Variants in CACNB2 observed in about 807,000 individuals in gnomAD.
CACNB2 encodes voltage-dependent L-type calcium channel subunit beta-2.
Under a neutral mutation model 73.3 loss-of-function variants are expected in CACNB2, and 42 were observed. That is an observed-to-expected ratio of 0.57 (90% CI 0.45 to 0.74). The LOEUF is 0.74. Among genes scored for constraint, CACNB2 ranks in the 30% least tolerant of loss-of-function variants. The pLI, the probability that CACNB2 is intolerant of heterozygous loss-of-function variation, is 0.00. For synonymous variants in CACNB2, 348 were observed against 310.3 expected (o/e 1.12, Z -1.28); for missense variants, 940 against 853.0 (o/e 1.10, Z -1.27).
intron 1 of CACNB2, 45 bp from the exon 2 acceptor site, chr10:18,150,838 A>G (rs1564296268): frequency 2.6e-6 from 3 of 1,144,882 alleles, no homozygotes; most frequent in South Asian, 1.5e-5. Flanking sequence ...AAAGGGTCTC[A>G]TAATAATCTT....
intron 3 of CACNB2, among the ~76,000 whole-genome samples, chr10:18,488,017 C>T (rs190567027): frequency 6.6e-4 from 100 of 151,254 alleles, no homozygotes; most frequent in African/African-American, 2.3e-3. Context: ...CCATGTTGCA[C>T]TGGCTGGTCT....
intron 2 of CACNB2, among the ~76,000 whole-genome samples, chr10:18,158,259 A>T (rs980013117): frequency 2.6e-5 from 4 of 152,180 alleles, no homozygotes; most frequent in African/African-American, 9.7e-5. Flanking sequence ...TTTTACAGTA[A>T]CCTCATTTAG....
At chr10:18,184,854 T>A (rs923548112) in intron 2 of CACNB2, among the ~76,000 whole-genome samples, 1 of 152,140 alleles carries the variant, frequency 6.6e-6, no homozygotes, top group African/African-American at 2.4e-5. Context: ...ATGCATTAGC[T>A]GTTTTTCCTG....
At chr10:18,271,123 T>G (rs2038036747) in intron 2 of CACNB2, among the ~76,000 whole-genome samples, 1 of 152,212 alleles carries the variant, frequency 6.6e-6, no homozygotes, top group South Asian at 2.1e-4. Context: ...ATGGTATAAG[T>G]GTTCCTTGGT....
At chr10:18,281,327 C>T (rs1460210994) in intron 2 of CACNB2, among the ~76,000 whole-genome samples, 1 of 152,202 alleles carries the variant, frequency 6.6e-6, no homozygotes, top group Non-Finnish European at 1.5e-5. Context: ...TTAATCAGCA[C>T]ATACTAATGG....
chr10:18,321,678 A>C (rs2040402355), intron 2 of CACNB2, among the ~76,000 whole-genome samples: 1 of 152,122 alleles, frequency 6.6e-6, no homozygotes, highest in African/African-American at 2.4e-5. Context: ...TGTACTCACA[A>C]ACTTTTTTTT....
At chr10:18,417,360 CTTTTTTTTT>C (rs34847923) in intron 3 of CACNB2, among the ~76,000 whole-genome samples, 36 of 87,000 alleles carry the variant, frequency 4.1e-4, no homozygotes, top group East Asian at 1.4e-3. Context: ...GCTAAAAATT[CTTTTTTTTT>C]TTTTTTTTTT....
At chr10:18,220,341 C>T (rs2035741989) in intron 2 of CACNB2, among the ~76,000 whole-genome samples, 1 of 146,628 alleles carries the variant, frequency 6.8e-6, no homozygotes, top group African/African-American at 2.5e-5. Context: ...CTCATTGCAA[C>T]CCTCCCCTCC....
intron 12 of CACNB2, among the ~76,000 whole-genome samples, chr10:18,537,043 G>A (rs181562004): frequency 3.3e-5 from 5 of 152,060 alleles, no homozygotes; most frequent in African/African-American, 9.7e-5. Context: ...GGAGTGCAGT[G>A]GTGGTGTCTC....
At chr10:18,234,132 C>G (rs187245628) in intron 2 of CACNB2, 1 of 152,442 alleles carries the variant, frequency 6.6e-6, no homozygotes, top group Admixed American at 6.5e-5. Flanking sequence ...GACACGTTCT[C>G]TCACTAGGGG....
chr10:18,226,237 G>A lies in CACNB2; in HGVS notation c.213+75262G>A, dbSNP rs570213453. On this transcript the variant is annotated intron_variant, in intron 2 of 13. Transcript: ENST00000324631. ...CGAAGAGGTTTTGCCATGTTGCCCA[G>A]GCTAATTTCGAACTCCTGAGCTCAA... is the stretch of plus-strand genomic sequence containing the variant. Among the ~76,000 whole-genome samples, 4 of 152,096 alleles carry A rather than the reference G, an allele frequency of 2.6e-5. No individual in the cohort carries two copies. In the South Asian group the frequency reaches 8.3e-4, roughly 32 times the overall value.
chr10:18,301,050 A>C (rs2039490816), intron 2 of CACNB2, among the ~76,000 whole-genome samples: 1 of 152,206 alleles, frequency 6.6e-6, no homozygotes, highest in Non-Finnish European at 1.5e-5. Flanking sequence ...AGTGAGATGG[A>C]GACTCTCAAG....
At chr10:18,451,203 T>C (rs1482059936) in intron 3 of CACNB2, among the ~76,000 whole-genome samples, 1 of 152,198 alleles carries the variant, frequency 6.6e-6, no homozygotes, top group Admixed American at 6.5e-5. Context: ...TTCTCCTTAT[T>C]TATCAGCCTC....
intron 10 of CACNB2, among the ~76,000 whole-genome samples, chr10:18,533,604 T>C (rs1299118385): frequency 6.6e-6 from 1 of 152,228 alleles, no homozygotes; most frequent in African/African-American, 2.4e-5. Context: ...TGTTTTATTT[T>C]GTATTTCATC....
chr10:18,320,660 G>T (rs925080682), intron 2 of CACNB2, among the ~76,000 whole-genome samples: 2 of 152,166 alleles, frequency 1.3e-5, no homozygotes, highest in African/African-American at 4.8e-5. Flanking sequence ...GTAGAATGGG[G>T]ATAGTTGTAT....
chr10:18,262,058 G>A (rs187767852), intron 2 of CACNB2: 2 of 518,242 alleles, frequency 3.9e-6, no homozygotes, highest in East Asian at 1.1e-4. Flanking sequence ...TTCAGGAAGG[G>A]TTGTAAAAGG....
At chr10:18,292,727 G>C (rs1484632398) in intron 2 of CACNB2, among the ~76,000 whole-genome samples, 1 of 152,114 alleles carries the variant, frequency 6.6e-6, no homozygotes. Flanking sequence ...ACCAGATTGA[G>C]CTCAGAATAA....
At chr10:18,452,195 G>A (rs552513348) in intron 3 of CACNB2, among the ~76,000 whole-genome samples, 1 of 152,356 alleles carries the variant, frequency 6.6e-6, no homozygotes, top group African/African-American at 2.4e-5. Flanking sequence ...AGACTGAGCA[G>A]GAGGATTGCT....
chr10:18,363,803 A>T (rs1472716749), intron 2 of CACNB2, among the ~76,000 whole-genome samples: 1 of 151,802 alleles, frequency 6.6e-6, no homozygotes, highest in African/African-American at 2.4e-5. Flanking sequence ...AATAGTAAGG[A>T]TAGTTATACC....
Sources: allele counts gnomAD v4.1 joint callset (sites outside exome capture counted in the v4.1 genomes callset), GRCh38; gene constraint gnomAD v4.1.1; transcripts MANE v1.5; gene names NCBI Gene and HGNC (gene_info 2026-07-23, HGNC 2026-07-21).